CDA: variants seen among roughly 807,000 people sequenced by gnomAD.
CDA encodes cytidine aminohydrolase.
In CDA, 7 loss-of-function variants were observed where a neutral mutation model predicts 15.0. That is an observed-to-expected ratio of 0.47 (90% CI 0.26 to 0.87). CDA has a LOEUF of 0.87. Among genes scored for constraint, CDA ranks in the 40% least tolerant of loss-of-function variants. The pLI is 0.15. For missense variants in CDA, 159 were observed against 182.7 expected (o/e 0.87, Z 0.75); for synonymous variants, 58 against 73.0 (o/e 0.79, Z 1.05).
intron 1 of CDA, among the ~76,000 whole-genome samples, chr1:20,603,267 C>T (rs567467209): frequency 2.6e-5 from 4 of 152,160 alleles, no homozygotes; most frequent in Non-Finnish European, 5.9e-5. Flanking sequence ...AAACAGATTC[C>T]AAGATGCAGT....
intron 3 of CDA, among the ~76,000 whole-genome samples, chr1:20,617,066 T>C (rs2052819368): frequency 6.6e-6 from 1 of 152,188 alleles, no homozygotes; most frequent in African/African-American, 2.4e-5. Flanking sequence ...CTTAGGTCTG[T>C]TGACCCCACC....
chr1:20,603,128 A>T (rs1162711914), intron 1 of CDA, among the ~76,000 whole-genome samples: 1 of 152,204 alleles, frequency 6.6e-6, no homozygotes, highest in Non-Finnish European at 1.5e-5. Context: ...ATCTTGCCTC[A>T]TCTGTGTTTT....
Position 20,618,496 on chromosome 1 carries a change from G to C in CDA, c.369G>C (p.Thr123=). 1.2e-6 allele frequency: 2 copies of C among 1,613,624 alleles called. No homozygotes were observed. Among genetic ancestry groups the C allele is most frequent in the Non-Finnish European group, 1.7e-6 (2 of 1,179,760 alleles). The change falls in exon 4 of 4, where the codon ACG becomes ACC. Residue 123 remains threonine, a synonymous_variant. Transcript: ENST00000375071. ...TGTACATGACCAAGCCGGATGGTACGTATATTGTCATGACGGTCCAGGAGC... is the reference window on the plus strand; with the variant it reads ...TGTACATGACCAAGCCGGATGGTACCTATATTGTCATGACGGTCCAGGAGC... ...WPVYMTKPDG[T]YIVMTVQELL...
chr1:20,601,946 C>T (rs1471731269), intron 1 of CDA, among the ~76,000 whole-genome samples: 1 of 151,754 alleles, frequency 6.6e-6, no homozygotes, highest in Admixed American at 6.6e-5. Flanking sequence ...CTGGGCAACC[C>T]CATCTCTACA....
chr1:20,617,342 G>A (rs936071040), intron 3 of CDA, among the ~76,000 whole-genome samples: 1 of 152,184 alleles, frequency 6.6e-6, no homozygotes, highest in Admixed American at 6.5e-5. Context: ...CTACCTCACA[G>A]GGTAGATTAT....
intron 1 of CDA, among the ~76,000 whole-genome samples, chr1:20,602,893 T>C (rs925985624): frequency 6.6e-6 from 1 of 152,264 alleles, no homozygotes; most frequent in Non-Finnish European, 1.5e-5. Context: ...TTTTCCTAAC[T>C]GGCTCCCATG....
At chr1:20,602,983 A>G (rs1322279121) in intron 1 of CDA, among the ~76,000 whole-genome samples, 1 of 152,166 alleles carries the variant, frequency 6.6e-6, no homozygotes, top group African/African-American at 2.4e-5. Context: ...CAGATGACAC[A>G]TCACATCTTT....
intron 1 of CDA, among the ~76,000 whole-genome samples, chr1:20,597,559 C>G (rs147012846): frequency 1.3e-5 from 2 of 152,322 alleles, no homozygotes; most frequent in African/African-American, 2.4e-5. Flanking sequence ...TTTACCTTAC[C>G]CAACAGTTAA....
chr1:20,595,676 C>T (rs910845353), intron 1 of CDA, among the ~76,000 whole-genome samples: 2 of 152,038 alleles, frequency 1.3e-5, no homozygotes, highest in African/African-American at 4.8e-5. Context: ...CCCATCTCTA[C>T]AAAAAATACA....
At chr1:20,597,878 C>T (rs2052604113) in intron 1 of CDA, among the ~76,000 whole-genome samples, 1 of 139,428 alleles carries the variant, frequency 7.2e-6, no homozygotes, top group Non-Finnish European at 1.5e-5. Flanking sequence ...GGCTTCCTTC[C>T]TTTTTTTTTA....
chr1:20,595,415 C>A (rs562701375), intron 1 of CDA, among the ~76,000 whole-genome samples: 1 of 152,248 alleles, frequency 6.6e-6, no homozygotes, highest in Non-Finnish European at 1.5e-5. Flanking sequence ...TTCCTAGAAG[C>A]ATTTCTTGGT....
intron 1 of CDA, among the ~76,000 whole-genome samples, chr1:20,591,380 G>A (rs1271069995): frequency 1.3e-5 from 2 of 152,006 alleles, no homozygotes; most frequent in African/African-American, 2.4e-5. Context: ...CACAATAAAG[G>A]AGGCACACTT....
intron 2 of CDA, 63 bp from the exon 3 acceptor site, chr1:20,613,779 T>C: frequency 1.3e-6 from 2 of 1,487,290 alleles, no homozygotes; most frequent in Non-Finnish European, 1.9e-6. Context: ...AGGGCCTGAA[T>C]CTTAGCAATT....
intron 3 of CDA, among the ~76,000 whole-genome samples, chr1:20,615,305 T>C (rs1299905139): frequency 6.6e-6 from 1 of 151,916 alleles, no homozygotes; most frequent in Admixed American, 6.6e-5. Context: ...ATAAAAGTCC[T>C]CTTGATGGAA....
intron 2 of CDA, among the ~76,000 whole-genome samples, chr1:20,606,374 A>G (rs952961129): frequency 6.6e-6 from 1 of 151,958 alleles, no homozygotes; most frequent in Non-Finnish European, 1.5e-5. Flanking sequence ...ATCACCTGCT[A>G]TAGACTCCCT....
chr1:20,595,580 C>T (rs1433259514), intron 1 of CDA, among the ~76,000 whole-genome samples: 1 of 152,170 alleles, frequency 6.6e-6, no homozygotes, highest in East Asian at 1.9e-4. Flanking sequence ...CCGCTGTTTC[C>T]CCCTGCCAAG....
At chr1:20,595,047 C>T (rs557119036) in intron 1 of CDA, among the ~76,000 whole-genome samples, 2 of 152,152 alleles carry the variant, frequency 1.3e-5, no homozygotes, top group African/African-American at 4.8e-5. Context: ...AGGATGGTGC[C>T]CAGACACAAG....
intron 3 of CDA, among the ~76,000 whole-genome samples, chr1:20,616,121 T>G (rs1331222100): frequency 1.3e-5 from 2 of 152,328 alleles, no homozygotes; most frequent in Admixed American, 6.5e-5. Flanking sequence ...AATGACTTAC[T>G]GAAGGGCCCC....
At chr1:20,598,144 G>A (rs779058594) in intron 1 of CDA, among the ~76,000 whole-genome samples, 37 of 152,186 alleles carry the variant, frequency 2.4e-4, no homozygotes, top group Non-Finnish European at 5.1e-4. Flanking sequence ...TTTAGAGACA[G>A]GGTCTCGCTA....
Sources: gnomAD v4.1 joint callset for allele counts (sites outside exome capture counted in the v4.1 genomes callset) on GRCh38, gnomAD v4.1.1 for gene constraint, MANE v1.5 for transcripts, NCBI Gene and HGNC (gene_info 2026-07-23, HGNC 2026-07-21) for gene names.